The following BRCA2 variants were observed in gnomAD, a reference collection of about 807,000 sequenced individuals.
BRCA2 encodes BRCA2 DNA repair associated.
In BRCA2, 203 loss-of-function variants were observed where a neutral mutation model predicts 276.7. The observed-to-expected ratio is 0.73, with a 90% confidence interval of 0.65 to 0.82. The LOEUF (loss-of-function observed/expected upper bound fraction) is 0.82, where lower values mean the gene tolerates loss of function less well. Ranked by LOEUF, BRCA2 falls within the 40% of genes least tolerant of loss-of-function variation. The pLI is 0.00. For synonymous variants in BRCA2, 1,289 were observed against 1,338.4 expected (o/e 0.96, Z 0.81); for missense variants, 3,920 against 3,915.0 (o/e 1.00, Z -0.03).
At position 32,325,750 on chromosome 13, in the gene BRCA2, T is replaced by C. The variant is rs11571619; in HGVS notation, c.426-351T>C. Among the ~76,000 whole-genome samples the C allele has an allele frequency of 7.5e-3, 1,140 of 151,866 alleles. 16 individuals carry two copies. Among genetic ancestry groups the C allele is most frequent in the African/African-American group, 0.025 (1,047 of 41,428 alleles). On this transcript the variant is annotated intron_variant, in intron 4 of 26. Coordinates refer to ENST00000380152, the MANE Select transcript of BRCA2 (RefSeq NM_000059.4). ...AGAGACGGGGTTTCACCGTGTTAGC[T>C]AGGATGGTCTCGATTTCCTGACCTC...
intron 12 of BRCA2, among the ~76,000 whole-genome samples, chr13:32,345,638 A>AT (rs2072605955): frequency 6.6e-6 from 1 of 151,944 alleles, no homozygotes; most frequent in Non-Finnish European, 1.5e-5. Context: ...CAGATTTCAG[A>AT]TTTTTTCAGA....
rs2137577497 is a variant in BRCA2, at chr13:32,362,640, A to G, written c.7923A>G (p.Glu2641=). The change falls in exon 17 of 27, where the codon GAA becomes GAG. Residue 2641 remains glutamate (E), a synonymous_variant. Coordinates refer to ENST00000380152, the MANE Select transcript of BRCA2 (RefSeq NM_000059.4). ...LAAMECAFPK[E]FANRCLSPER... is the part of the protein sequence containing the mutation. ...CTATGGAATGTGCCTTTCCTAAGGA[A>G]TTTGCTAATAGATGCCTAAGCCCAG... The G allele has an allele frequency of 6.2e-7, 1 of 1,614,198 alleles. No individual in the cohort carries two copies. The highest frequency in any genetic ancestry group is 8.5e-7 in the Non-Finnish European group (1 of 1,180,022).
chr13:32,394,763 G>T lies in BRCA2; in HGVS notation c.9331G>T (p.Glu3111Ter), dbSNP rs397508047. The T allele has an allele frequency of 6.2e-7, 1 of 1,613,906 alleles. No homozygotes were observed. The highest frequency in any genetic ancestry group is 1.3e-5 in the African/African-American group (1 of 74,910). The change falls in exon 25 of 27, where the codon GAG becomes TAG. Residue 3111 changes from glutamate (E) to a stop codon, truncating the protein, a stop_gained. Transcript: ENST00000380152. LOFTEE classifies it high-confidence loss of function. ...AATAAAGTTTTGGATAGACCTTAAT[G>T]AGGACATTATTAAGCCTCATATGTT... is the stretch of plus-strand genomic sequence containing the variant. The part of the protein sequence containing the change: ...LAIKFWIDLN[E>*]DIIKPHMLIA...
Position 32,363,561 on chromosome 13 carries a change from A to G in BRCA2, c.8331+28A>G, listed in dbSNP as rs1198135899. On this transcript the variant is annotated intron_variant, in intron 18 of 26. Coordinates refer to ENST00000380152, the MANE Select transcript of BRCA2 (RefSeq NM_000059.4). ...AAATTAATTTGCACTCTTGGTAAAA[A>G]TCAGTCATTGATTCAGTTAAATTCT... is the stretch of plus-strand genomic sequence containing the variant. 2.5e-6 allele frequency: 4 copies of G among 1,580,512 alleles called. No individual in the cohort carries two copies. In the African/African-American group the frequency reaches 4.0e-5, roughly 16 times the overall value.
intron 24 of BRCA2, 36 bp from the exon 25 acceptor site, chr13:32,394,653 C>G (rs2137651516): frequency 2.5e-6 from 4 of 1,599,306 alleles, no homozygotes; most frequent in Non-Finnish European, 3.4e-6. Flanking sequence ...TCTAACACAT[C>G]TATAATAACA....
chr13:32,371,475 G>C (rs893018908), intron 20 of BRCA2, among the ~76,000 whole-genome samples: 1 of 151,434 alleles, frequency 6.6e-6, no homozygotes, highest in Non-Finnish European at 1.5e-5. Flanking sequence ...TTATTTTTTC[G>C]TATCTCCCTT....
At position 32,394,831 on chromosome 13, in the gene BRCA2, A is replaced by G. The variant is rs2137653585; in HGVS notation, c.9399A>G (p.Ser3133=). The G allele has an allele frequency of 6.2e-7, 1 of 1,614,132 alleles. No individual in the cohort carries two copies. Among genetic ancestry groups the G allele is most frequent in the Non-Finnish European group, 8.5e-7 (1 of 1,179,996 alleles). The change falls in exon 25 of 27, where the codon TCA becomes TCG. Residue 3133 remains serine, a synonymous_variant. Transcript: ENST00000380152. ...SNLQWRPESK[S]GLLTLFAGDF... is the part of the protein sequence containing the mutation. ...TCCAGTGGCGACCAGAATCCAAATC[A>G]GGCCTTCTTACTTTATTTGCTGGAG...
At chr13:32,343,822 A>G (rs2072590720) in intron 11 of BRCA2, among the ~76,000 whole-genome samples, 1 of 152,190 alleles carries the variant, frequency 6.6e-6, no homozygotes, top group Admixed American at 6.5e-5. Context: ...GGTTACTGGA[A>G]CAGTACAGGT....
At chr13:32,325,243 T>A (rs2137447389) in intron 4 of BRCA2, 59 bp downstream of exon 4, 1 of 1,272,690 alleles carries the variant, frequency 7.9e-7, no homozygotes, top group Non-Finnish European at 1.1e-6. Context: ...CATATATTTG[T>A]TCTATAAAGA....
intron 24 of BRCA2, among the ~76,000 whole-genome samples, chr13:32,384,372 G>T (rs1167931221): frequency 1.3e-5 from 2 of 152,214 alleles, no homozygotes; most frequent in Admixed American, 6.5e-5. Context: ...GAGATGAAGA[G>T]GTAGGAGGAG....
At chr13:32,369,875 A>G (rs2072815432) in intron 18 of BRCA2, among the ~76,000 whole-genome samples, 1 of 152,204 alleles carries the variant, frequency 6.6e-6, no homozygotes, top group Admixed American at 6.5e-5. Context: ...TGCCTGGCCA[A>G]AGATTAATTG....
intron 21 of BRCA2, among the ~76,000 whole-genome samples, chr13:32,377,327 C>T (rs2072880397): frequency 6.6e-6 from 1 of 152,148 alleles, no homozygotes; most frequent in Non-Finnish European, 1.5e-5. Flanking sequence ...CGCGGTGGCT[C>T]ACGCCTATAA....
chr13:32,359,222 G>GAAA (rs67041705), intron 16 of BRCA2, among the ~76,000 whole-genome samples: 1,379 of 107,010 alleles, frequency 0.013, no homozygotes, highest in Non-Finnish European at 0.016. Context: ...TCCATCTCAA[G>GAAA]AAAAAAAAAA....
intron 9 of BRCA2, 112 bp downstream of exon 9, chr13:32,331,142 T>C (rs1287591264): frequency 1.3e-5 from 10 of 754,422 alleles, no homozygotes; most frequent in Non-Finnish European, 2.3e-6. Flanking sequence ...TACCGCAACC[T>C]CTGCCTCCCG....
intron 14 of BRCA2, 103 bp downstream of exon 14, chr13:32,355,391 T>A: frequency 7.8e-7 from 1 of 1,285,200 alleles, no homozygotes; most frequent in Non-Finnish European, 1.1e-6. Flanking sequence ...GTGGTAATTT[T>A]AAAGCCCTTT....
rs371417084 is a variant in BRCA2 at position 32,357,723 on chromosome 13, G to A, written c.7618-19G>A. Reference sequence around the variant, plus strand: ...ACTTTAAATTGTTTTTCTTTTTTGTGTGTGTTTATTTTGTGTAGCTGTATA... The same window carrying A: ...ACTTTAAATTGTTTTTCTTTTTTGTATGTGTTTATTTTGTGTAGCTGTATA... On this transcript the variant is annotated intron_variant, in intron 15 of 26. Coordinates refer to ENST00000380152, the MANE Select transcript of BRCA2 (RefSeq NM_000059.4). 6.2e-7 allele frequency: 1 copy of A among 1,602,364 alleles called. No homozygotes were observed. Among genetic ancestry groups the A allele is most frequent in the African/African-American group, 1.3e-5 (1 of 74,510 alleles).
At chr13:32,377,479 G>C (rs1483219597) in intron 21 of BRCA2, among the ~76,000 whole-genome samples, 3 of 151,508 alleles carry the variant, frequency 2.0e-5, no homozygotes, top group Non-Finnish European at 2.9e-5. Flanking sequence ...AATCCCAGCT[G>C]TTCGGGAGGC....
At chr13:32,372,305 T>C (rs2072840088) in intron 20 of BRCA2, among the ~76,000 whole-genome samples, 1 of 152,198 alleles carries the variant, frequency 6.6e-6, no homozygotes, top group African/African-American at 2.4e-5. Flanking sequence ...TCTTTGCTTA[T>C]CCATAAGAAG....
In BRCA2 at chr13:32,340,981, T is replaced by C. The variant is rs431825344; in HGVS notation, c.6626T>C (p.Ile2209Thr). Residue 2209 changes from isoleucine to threonine, a missense_variant, in exon 11 of 27, where the codon ATA (isoleucine) becomes ACA (threonine). Ile to Thr is a moderately conservative substitution (Grantham distance 89, BLOSUM62 -1). Transcript: ENST00000380152. The stretch of plus-strand genomic sequence containing the variant: ...TCTGATGTTCCTGTGAAAACAAATA[T>C]AGAAGTTTGTTCTACTTACTCCAAA... ...TFSDVPVKTN[I>T]EVCSTYSKDS... The C allele has an allele frequency of 3.1e-6, 5 of 1,608,728 alleles. No individual in the cohort carries two copies. The highest frequency in any genetic ancestry group is 2.5e-6 in the Non-Finnish European group (3 of 1,178,764).
Sources: gnomAD v4.1 joint callset for allele counts (sites outside exome capture counted in the v4.1 genomes callset) on GRCh38, gnomAD v4.1.1 for gene constraint, MANE v1.5 for transcripts, NCBI Gene and HGNC (gene_info 2026-07-23, HGNC 2026-07-21) for gene names.